The following CFAP299 variants were observed in gnomAD, a reference collection of about 807,000 sequenced individuals.
CFAP299 encodes the protein cilia and flagella associated protein 299.
A neutral mutation model predicts 27.0 loss-of-function variants in CFAP299; 21 were observed. That is an observed-to-expected ratio of 0.78 (90% CI 0.55 to 1.12). The LOEUF is 1.12. Among genes scored for constraint, CFAP299 ranks in the 50% most tolerant of loss-of-function variants. CFAP299 has a pLI of 0.00. For synonymous variants in CFAP299, 104 were observed against 98.1 expected (o/e 1.06, Z -0.36); for missense variants, 310 against 276.6 (o/e 1.12, Z -0.86).
At chr4:80,365,425 A>G (rs1311492595) in intron 2 of CFAP299, among the ~76,000 whole-genome samples, 1 of 152,074 alleles carries the variant, frequency 6.6e-6, no homozygotes, top group African/African-American at 2.4e-5. Flanking sequence ...GAAGCAAAGG[A>G]CCTTTTGGTA....
chr4:80,694,615 A>G (rs1006779955), intron 3 of CFAP299, among the ~76,000 whole-genome samples: 1 of 152,202 alleles, frequency 6.6e-6, no homozygotes, highest in African/African-American at 2.4e-5. Context: ...ATAAAATGGT[A>G]TTTAATTGAT....
At chr4:80,950,601 A>G (rs1040163009) in intron 5 of CFAP299, among the ~76,000 whole-genome samples, 1 of 152,164 alleles carries the variant, frequency 6.6e-6, no homozygotes, top group Non-Finnish European at 1.5e-5. Flanking sequence ...GCACAAAGGC[A>G]TGGGAGCACG....
intron 2 of CFAP299, among the ~76,000 whole-genome samples, chr4:80,488,483 T>C (rs894090105): frequency 2.6e-5 from 4 of 151,334 alleles, no homozygotes; most frequent in African/African-American, 4.9e-5. Flanking sequence ...CCTTTTTTTT[T>C]TTTTTTTTGA....
At chr4:80,953,734 AT>A (rs1284739476) in intron 5 of CFAP299, among the ~76,000 whole-genome samples, 1 of 152,164 alleles carries the variant, frequency 6.6e-6, no homozygotes, top group African/African-American at 2.4e-5. Flanking sequence ...AAAGAAAAAA[AT>A]ACATATATAT....
At chr4:80,419,992 A>G (rs1299748112) in intron 2 of CFAP299, among the ~76,000 whole-genome samples, 1 of 152,100 alleles carries the variant, frequency 6.6e-6, no homozygotes, top group East Asian at 1.9e-4. Context: ...CAAAGTGATT[A>G]TCACCTCCCC....
At chr4:80,621,653 A>G (rs939405221) in intron 3 of CFAP299, among the ~76,000 whole-genome samples, 1 of 152,052 alleles carries the variant, frequency 6.6e-6, no homozygotes, top group Non-Finnish European at 1.5e-5. Context: ...TGAGACAAAG[A>G]CTCTAGAAGG....
intron 3 of CFAP299, among the ~76,000 whole-genome samples, chr4:80,806,035 T>A (rs1728849509): frequency 6.6e-6 from 1 of 152,170 alleles, no homozygotes; most frequent in Non-Finnish European, 1.5e-5. Context: ...AAGAAAGATA[T>A]CTTAAATGAC....
intron 2 of CFAP299, among the ~76,000 whole-genome samples, chr4:80,573,337 C>G (rs995835244): frequency 6.6e-6 from 1 of 152,082 alleles, no homozygotes; most frequent in African/African-American, 2.4e-5. Flanking sequence ...TCAGCCTATA[C>G]AATTGTTTGA....
rs1314639199 is a variant in CFAP299, at chr4:80,788,809, T to C, written c.334-81184T>C. Among the ~76,000 whole-genome samples, 3 of 152,090 alleles carry C rather than the reference T, an allele frequency of 2.0e-5. No individual in the cohort carries two copies. In the East Asian group the frequency reaches 5.8e-4, roughly 29 times the overall value. ...GGCAAGAAGACACATAATCGGCCTC[T>C]GAAACATAATTTTCTGTGGTAACTA... On this transcript the variant is annotated intron_variant, in intron 3 of 5. Coordinates refer to ENST00000358105, the MANE Select transcript of CFAP299 (RefSeq NM_152770.3).
chr4:80,400,999 C>T (rs1330294062), intron 2 of CFAP299, among the ~76,000 whole-genome samples: 1 of 152,120 alleles, frequency 6.6e-6, no homozygotes, highest in Non-Finnish European at 1.5e-5. Flanking sequence ...TGGCATTTTG[C>T]CCCTGCCCTA....
chr4:80,431,063 TG>T (rs2110078347), intron 2 of CFAP299, among the ~76,000 whole-genome samples: 1 of 152,346 alleles, frequency 6.6e-6, no homozygotes, highest in South Asian at 2.1e-4. Context: ...TCACAGCAGC[TG>T]TCTCTTCCTT....
intron 3 of CFAP299, among the ~76,000 whole-genome samples, chr4:80,663,869 C>T (rs948130215): frequency 6.6e-6 from 1 of 152,154 alleles, no homozygotes; most frequent in Non-Finnish European, 1.5e-5. Flanking sequence ...TTTTGATTTG[C>T]ATTTCTCTAA....
intron 4 of CFAP299, among the ~76,000 whole-genome samples, chr4:80,924,536 G>GTA (rs1209342041): frequency 1.8e-3 from 236 of 130,966 alleles, no homozygotes; most frequent in African/African-American, 7.0e-3. Context: ...GTGTGTGTGT[G>GTA]TGTATATATA....
intron 3 of CFAP299, among the ~76,000 whole-genome samples, chr4:80,695,928 G>A (rs528410564): frequency 2.7e-4 from 41 of 152,138 alleles, no homozygotes; most frequent in African/African-American, 9.2e-4. Context: ...AGGATTACAA[G>A]CATGAGCCAC....
chr4:80,424,446 C>T (rs7665080), intron 2 of CFAP299, among the ~76,000 whole-genome samples: 143,054 of 152,248 alleles, frequency 0.94, 67,749 homozygotes, highest in East Asian at 1. Context: ...AGTGTCATCT[C>T]TTGAGGGTCA....
intron 2 of CFAP299, among the ~76,000 whole-genome samples, chr4:80,412,755 C>A (rs1345484026): frequency 1.3e-5 from 2 of 152,126 alleles, no homozygotes; most frequent in South Asian, 2.1e-4. Context: ...AGAAATGATG[C>A]CTTGACACAC....
chr4:80,448,658 A>C (rs1728753650), intron 2 of CFAP299, among the ~76,000 whole-genome samples: 1 of 152,108 alleles, frequency 6.6e-6, no homozygotes, highest in African/African-American at 2.4e-5. Context: ...TAAGGCTGAG[A>C]GCACAGAGTT....
chr4:80,479,146 C>T (rs966756288), intron 2 of CFAP299, among the ~76,000 whole-genome samples: 1 of 151,892 alleles, frequency 6.6e-6, no homozygotes, highest in South Asian at 2.1e-4. Context: ...CTGCCAAGCA[C>T]AGTATCTTAG....
chr4:80,393,997 A>T (rs976553974), intron 2 of CFAP299, among the ~76,000 whole-genome samples: 1 of 152,116 alleles, frequency 6.6e-6, no homozygotes, highest in Non-Finnish European at 1.5e-5. Flanking sequence ...ATAGTGAGTG[A>T]GTTCTCATGA....
Sources: gnomAD v4.1 joint callset for allele counts (sites outside exome capture counted in the v4.1 genomes callset) on GRCh38, gnomAD v4.1.1 for gene constraint, MANE v1.5 for transcripts, NCBI Gene and HGNC (gene_info 2026-07-23, HGNC 2026-07-21) for gene names.